Variants in IL16 observed in about 807,000 individuals in gnomAD.
The protein encoded by IL16 is interleukin 16, also known as pro-interleukin-16.
Under a neutral mutation model 110.1 loss-of-function variants are expected in IL16, and 67 were observed. That is an observed-to-expected ratio of 0.61 (90% CI 0.50 to 0.75). IL16 has a LOEUF of 0.75. Ranked by LOEUF, IL16 falls within the 30% of genes least tolerant of loss-of-function variation. The pLI, the probability that IL16 is intolerant of heterozygous loss-of-function variation, is 0.00. For synonymous variants in IL16, 689 were observed against 662.9 expected, an observed-to-expected ratio of 1.04 and a Z score of -0.61; for missense variants, 1,545 against 1,655.0, an observed-to-expected ratio of 0.93 and a Z score of 1.15.
At chr15:81,219,863 A>G (rs1378405398) in intron 1 of IL16, among the ~76,000 whole-genome samples, 1 of 151,414 alleles carries the variant, frequency 6.6e-6, no homozygotes, top group African/African-American at 2.5e-5. Flanking sequence ...TCTGCCGTTC[A>G]TTCACTGAAC....
In IL16 at chr15:81,314,033, T is replaced by A. The variant is rs1901010408; in HGVS notation, c.*5235T>A. ...TTTTTGTTTTAAAAAAATAGTTTTT[T>A]AAAATAAAAATGTTATCTATGTTAA... On this transcript the variant is annotated 3_prime_UTR_variant, in exon 19 of 19. Transcript: ENST00000683961. The A allele has an allele frequency of 6.6e-6, 1 of 152,230 alleles. No homozygotes were observed. The highest frequency in any genetic ancestry group is 2.1e-4 in the South Asian group (1 of 4,834). 9.4% of individuals were successfully genotyped at this position (152,230 alleles called of 1,614,324 possible).
At position 81,197,201 on chromosome 15, in the gene IL16, G is replaced by A. The variant is rs573448886; in HGVS notation, c.-102+49G>A. ...CTGCTCTGTCCAGGTGGCCGTTACC[G>A]GAGGGAGGAAGCTGGCCTCTCTGAC... On this transcript the variant is annotated intron_variant, in intron 1 of 18. Coordinates refer to ENST00000683961, the MANE Select transcript of IL16 (RefSeq NM_172217.5). The A allele has an allele frequency of 1.2e-4, 143 of 1,233,386 alleles. No homozygotes were observed. In the African/African-American group the frequency reaches 1.4e-3, roughly 12 times the overall value. 76.4% of individuals were successfully genotyped at this position (1,233,386 alleles called of 1,614,324 possible). A position where few individuals can be genotyped will look rare whatever the true frequency, so the allele number is the denominator to read the frequency against.
At chr15:81,254,326 T>C (rs1897872824) in intron 2 of IL16, among the ~76,000 whole-genome samples, 2 of 152,162 alleles carry the variant, frequency 1.3e-5, no homozygotes, top group South Asian at 4.1e-4. Flanking sequence ...TGGAATCACC[T>C]TGTTTGCAGG....
At position 81,313,540 on chromosome 15, in the gene IL16, C is replaced by A; in HGVS notation, c.*4742C>A. 1.1e-5 allele frequency: 9 copies of A among 807,998 alleles called. No individual in the cohort carries two copies. The highest frequency in any genetic ancestry group is 1.6e-5 in the Non-Finnish European group (9 of 563,114). The allele number at this position is 807,998 out of a possible 1,614,324, so 50.1% of individuals were successfully genotyped here. On this transcript the variant is annotated 3_prime_UTR_variant, in exon 19 of 19. Coordinates refer to ENST00000683961, the MANE Select transcript of IL16 (RefSeq NM_172217.5). ...CGCGTCTCATCCCTTGCTGTGCCCT[C>A]CACCCAGGAGTCCTCTCTGGACCTG...
At position 81,282,706 on chromosome 15, in the gene IL16, C is replaced by G. The variant is rs756542837; in HGVS notation, c.1149C>G (p.Phe383Leu). ...ACTTCCAATGCATCTCTGGCATTTTCGTCCACACGCTGTCACCAGGATCCG... is the reference window on the plus strand; with the variant it reads ...ACTTCCAATGCATCTCTGGCATTTTGGTCCACACGCTGTCACCAGGATCCG... ...VPYFQCISGI[F>L]VHTLSPGSVA... is the part of the protein sequence containing the mutation. The change falls in exon 9 of 19, where the codon TTC becomes TTG. Residue 383 changes from phenylalanine to leucine, a missense_variant. Coordinates refer to ENST00000683961, the MANE Select transcript of IL16 (RefSeq NM_172217.5). 1 of 1,614,072 alleles carries G rather than the reference C, an allele frequency of 6.2e-7. No homozygotes were observed.
chr15:81,305,738 G>A, intron 16 of IL16, 170 bp from the exon 17 acceptor site: 1 of 714,636 alleles, frequency 1.4e-6, no homozygotes, highest in Non-Finnish European at 2.3e-6. Context: ...GATGGAGAAG[G>A]AGGGAATGCT....
chr15:81,227,259 T>C (rs1214741132), intron 2 of IL16, among the ~76,000 whole-genome samples: 1 of 152,176 alleles, frequency 6.6e-6, no homozygotes, highest in Non-Finnish European at 1.5e-5. Flanking sequence ...AACAACTTGA[T>C]ATATAATATA....
intron 5 of IL16, among the ~76,000 whole-genome samples, chr15:81,270,129 T>C (rs182032260): frequency 3.7e-4 from 56 of 152,328 alleles, no homozygotes; most frequent in Non-Finnish European, 7.2e-4. Context: ...AATTGTAGCA[T>C]CTGGAAGAGT....
rs1009292228 is a variant in IL16 at position 81,245,724 on chromosome 15, CTTTTT to C, written c.313-14028_313-14024del. Among the ~76,000 whole-genome samples, 15 of 61,270 alleles carry C rather than the reference CTTTTT, an allele frequency of 2.4e-4. No individual in the cohort carries two copies. In the East Asian group the frequency reaches 2.6e-3, roughly 10 times the overall value. 40.2% of individuals were successfully genotyped at this position (61,270 alleles called of 152,430 possible). On this transcript the variant is annotated intron_variant, in intron 2 of 18. Transcript: ENST00000683961. Reference sequence around the variant, plus strand: ...TAGAGAGATCAGACTTTTGTTTTGGCTTTTTTTTTTTTTTTTTTTTTTTTGCCTGT... The same window carrying C: ...TAGAGAGATCAGACTTTTGTTTTGGCTTTTTTTTTTTTTTTTTTTGCCTGT...
intron 2 of IL16, among the ~76,000 whole-genome samples, chr15:81,240,700 G>C (rs546484910): frequency 1.3e-5 from 2 of 151,782 alleles, no homozygotes; most frequent in South Asian, 4.2e-4. Flanking sequence ...CTTTTGGCTT[G>C]CTAGTCTTCT....
intron 2 of IL16, among the ~76,000 whole-genome samples, chr15:81,227,917 C>CT (rs946009572): frequency 6.6e-6 from 1 of 152,004 alleles, no homozygotes; most frequent in Non-Finnish European, 1.5e-5. Context: ...CTGTGAGCAC[C>CT]TGGGGGTAGA....
chr15:81,284,295 AGGGTTTCC>A (rs1899339570), intron 9 of IL16, among the ~76,000 whole-genome samples: 2 of 152,200 alleles, frequency 1.3e-5, no homozygotes, highest in South Asian at 4.1e-4. Flanking sequence ...ATCCTTTTAA[AGGGTTTCC>A]TACAATTGCA....
Position 81,308,730 on chromosome 15 carries a change from C to T in IL16, c.3931C>T (p.Pro1311Ser). ...CATCATCAAGGCACTGCCTGATGGA[C>T]CTGTCACGATTGTCATCAGGAGAAA... ...WNIIKALPDGPVTIVIRRKSL... is the reference protein window; with the variant it reads ...WNIIKALPDGSVTIVIRRKSL... Residue 1311 changes from proline to serine, a missense_variant, in exon 19 of 19, where the codon CCT (proline) becomes TCT (serine). By Grantham distance (74) the Pro-to-Ser change is moderately conservative (BLOSUM62 -1). Around this residue, in one of 3 missense-constraint regions of IL16, gnomAD observed 356 missense variants for 399.3 expected, o/e 0.89. Coordinates refer to ENST00000683961, the MANE Select transcript of IL16 (RefSeq NM_172217.5). The T allele has an allele frequency of 1.9e-6, 3 of 1,614,118 alleles. No homozygotes were observed. Among genetic ancestry groups the T allele is most frequent in the Non-Finnish European group, 2.5e-6 (3 of 1,179,980 alleles).
At chr15:81,247,307 C>T (rs1897599615) in intron 2 of IL16, among the ~76,000 whole-genome samples, 1 of 151,862 alleles carries the variant, frequency 6.6e-6, no homozygotes, top group African/African-American at 2.4e-5. Context: ...ATAACTTTTC[C>T]TGTAAGCACT....
Position 81,278,834 on chromosome 15 carries a change from C to G in IL16, c.808C>G (p.Leu270Val). The change falls in exon 7 of 19, where the codon CTC (leucine) becomes GTC (valine). Residue 270 changes from leucine to valine, a missense_variant. Leu to Val is a conservative substitution (Grantham distance 32). Transcript: ENST00000683961. ...CTAAACAGGTGATGAAATTCTGGAG[C>G]TCAATGGTGAATCAATGGCTGGACT... ...RLQEGDEILE[L>V]NGESMAGLTH... 1 of 1,611,648 alleles carries G rather than the reference C, an allele frequency of 6.2e-7. No homozygotes were observed. The highest frequency in any genetic ancestry group is 8.5e-7 in the Non-Finnish European group (1 of 1,177,736).
At chr15:81,290,425 G>A (rs766629505) in intron 10 of IL16, 28 bp from the exon 11 acceptor site, 1 of 1,569,264 alleles carries the variant, frequency 6.4e-7, no homozygotes, top group South Asian at 1.1e-5. Flanking sequence ...TCTACTGTTT[G>A]TTTGAGGAGA....
intron 1 of IL16, among the ~76,000 whole-genome samples, chr15:81,210,294 T>A (rs1171171613): frequency 1.3e-5 from 2 of 152,180 alleles, no homozygotes; most frequent in African/African-American, 4.8e-5. Flanking sequence ...TGAAATTGGG[T>A]CATGTGATGT....
chr15:81,282,787 C>G (rs1374932938), intron 9 of IL16, 31 bp downstream of exon 9: 12 of 1,413,684 alleles, frequency 8.5e-6, no homozygotes, highest in East Asian at 4.6e-5. Flanking sequence ...CTGAATATAC[C>G]CCCGACTTAC....
intron 1 of IL16, among the ~76,000 whole-genome samples, chr15:81,185,810 C>T (rs1222663686): frequency 6.6e-6 from 1 of 152,116 alleles, no homozygotes; most frequent in African/African-American, 2.4e-5. Context: ...GAGTTGTTTT[C>T]TGAAGGGTGT....
Sources: gnomAD v4.1 joint callset for allele counts (sites outside exome capture counted in the v4.1 genomes callset) on GRCh38, gnomAD v4.1.1 for gene constraint, gnomAD v4.1.1 regional missense constraint, MANE v1.5 for transcripts, NCBI Gene and HGNC (gene_info 2026-07-23, HGNC 2026-07-21) for gene names.